MMP15: variants seen among roughly 807,000 people sequenced by gnomAD.
The protein encoded by MMP15 is matrix metallopeptidase 15.
MMP15 carries 36 observed loss-of-function variants against 65.0 expected under a neutral mutation model. That is an observed-to-expected ratio of 0.55 (90% CI 0.42 to 0.73). The LOEUF (loss-of-function observed/expected upper bound fraction) is 0.73. Among genes scored for constraint, MMP15 ranks in the 30% least tolerant of loss-of-function variants. The pLI, the probability that MMP15 is intolerant of heterozygous loss-of-function variation, is 0.00. For missense variants in MMP15, 870 were observed against 987.8 expected, an observed-to-expected ratio of 0.88 and a Z score of 1.60; for synonymous variants, 428 against 410.2, an observed-to-expected ratio of 1.04 and a Z score of -0.52.
At chr16:58,043,151 C>T (rs1456910864) in intron 7 of MMP15, 59 bp from the exon 8 acceptor site, 2 of 1,456,640 alleles carry the variant, frequency 1.4e-6, no homozygotes, top group South Asian at 1.4e-5. Flanking sequence ...GCATTCTTTT[C>T]CCGCACACAC....
Position 58,041,640 on chromosome 16 carries a change from C to T in MMP15, c.934C>T (p.Pro312Ser). The T allele has an allele frequency of 6.4e-7, 1 of 1,574,586 alleles. No homozygotes were observed. Among genetic ancestry groups the T allele is most frequent in the Non-Finnish European group, 8.6e-7 (1 of 1,161,400 alleles). ...LYGTPDGQPQPTQPLPTVTPR... is the reference protein window; with the variant it reads ...LYGTPDGQPQSTQPLPTVTPR... Reference sequence around the variant, plus strand: ...AGGTACCCCAGACGGTCAGCCACAGCCTACCCAGCCTCTCCCCACTGTGAC... The same window carrying T: ...AGGTACCCCAGACGGTCAGCCACAGTCTACCCAGCCTCTCCCCACTGTGAC... The change falls in exon 6 of 10, where the codon CCT becomes TCT. Residue 312 changes from proline to serine, a missense_variant. Pro to Ser is a moderately conservative substitution (Grantham distance 74). Coordinates refer to ENST00000219271, the MANE Select transcript of MMP15 (RefSeq NM_002428.4).
rs759154678 is a variant in MMP15, at chr16:58,037,628, C to T, written c.311+8C>T. 8.7e-6 allele frequency: 14 copies of T among 1,613,840 alleles called. No individual in the cohort carries two copies. The highest frequency in any genetic ancestry group is 4.0e-5 in the African/African-American group (3 of 74,916). On this transcript the variant is annotated splice_region_variant and intron_variant, in intron 2 of 9. Coordinates refer to ENST00000219271, the MANE Select transcript of MMP15 (RefSeq NM_002428.4). ...CGACGAAGAGACCAAGGAGTGAGTT[C>T]CCCCCACCATCCACACCCCACAGGC...
intron 1 of MMP15, among the ~76,000 whole-genome samples, chr16:58,028,255 C>G (rs1169233022): frequency 1.3e-5 from 2 of 152,208 alleles, no homozygotes; most frequent in Admixed American, 6.5e-5. Flanking sequence ...AGGGAAGAAG[C>G]CATGGTTGCG....
In MMP15 at chr16:58,040,236, A is replaced by G. The variant is rs552183474; in HGVS notation, c.748+54A>G. On this transcript the variant is annotated intron_variant, in intron 4 of 9. Transcript: ENST00000219271. Reference sequence around the variant, plus strand: ...AGGGCAGGTGGCCCCGGAGCTGGGCAACAACACCCTGCTGAGTGGGTTCAG... The same window carrying G: ...AGGGCAGGTGGCCCCGGAGCTGGGCGACAACACCCTGCTGAGTGGGTTCAG... 34 of 1,546,912 alleles carry G rather than the reference A, an allele frequency of 2.2e-5. No individual in the cohort carries two copies. The East Asian group carries it at 7.5e-4, about 34-fold the overall frequency.
chr16:58,042,171 G>T, intron 6 of MMP15, 60 bp from the exon 7 acceptor site: 1 of 1,564,622 alleles, frequency 6.4e-7, no homozygotes, highest in Non-Finnish European at 8.7e-7. Flanking sequence ...TTTGAGGATG[G>T]CACCTCTCCC....
rs1045582211 is a variant in MMP15 at position 58,043,153 on chromosome 16, C to T, written c.1304-57C>T. 2.3e-5 allele frequency: 33 copies of T among 1,462,362 alleles called. No individual in the cohort carries two copies. In the Admixed American group the frequency reaches 2.5e-4, roughly 11 times the overall value. The allele number at this position is 1,462,362 out of a possible 1,614,324, so 90.6% of individuals were successfully genotyped here. On this transcript the variant is annotated intron_variant, in intron 7 of 9. Transcript: ENST00000219271. The stretch of plus-strand genomic sequence containing the variant: ...TGGGCCCAGAAGAGCATTCTTTTCC[C>T]GCACACACCCCTCAGCCCCAGGCCT...
At chr16:58,035,542 G>A (rs1959313987) in intron 1 of MMP15, among the ~76,000 whole-genome samples, 1 of 152,228 alleles carries the variant, frequency 6.6e-6, no homozygotes, top group South Asian at 2.1e-4. Flanking sequence ...ACAGGGTGGT[G>A]TCAGGCACTA....
In MMP15 at chr16:58,040,875, C is replaced by G. The variant is rs546027029; in HGVS notation, c.910+177C>G. On this transcript the variant is annotated intron_variant, in intron 5 of 9. Transcript: ENST00000219271. ...GTGGTACTGGAAATGAAACCCAGGG[C>G]AGGCTGCCTCCAGGGCCTGGGCCTC... 2.0e-4 allele frequency: 196 copies of G among 969,390 alleles called. 3 individuals are homozygous for G. The South Asian group carries it at 2.7e-3, about 13-fold the overall frequency. The allele number at this position is 969,390 out of a possible 1,614,324, so 60.0% of individuals were successfully genotyped here. A position where few individuals can be genotyped will look rare whatever the true frequency, so the allele number is the denominator to read the frequency against.
intron 1 of MMP15, among the ~76,000 whole-genome samples, chr16:58,034,260 T>C (rs750660038): frequency 3.3e-5 from 5 of 152,208 alleles, no homozygotes; most frequent in Admixed American, 6.5e-5. Flanking sequence ...AGTCATGACC[T>C]AGGGACTCAT....
At chr16:58,036,162 A>C (rs1261915001) in intron 1 of MMP15, among the ~76,000 whole-genome samples, 1 of 152,198 alleles carries the variant, frequency 6.6e-6, no homozygotes, top group Non-Finnish European at 1.5e-5. Flanking sequence ...CCAGAGACCC[A>C]GACAAGTCAG....
At chr16:58,040,275 G>A in intron 4 of MMP15, 93 bp downstream of exon 4, 1 of 1,332,592 alleles carries the variant, frequency 7.5e-7, no homozygotes, top group South Asian at 1.4e-5. Flanking sequence ...CCGCGGGGCT[G>A]GGAGGAGAGA....
intron 7 of MMP15, 31 bp downstream of exon 7, chr16:58,042,400 A>T (rs754219978): frequency 6.2e-7 from 1 of 1,609,654 alleles, no homozygotes; most frequent in Non-Finnish European, 8.5e-7. Context: ...AGGGTTGGGC[A>T]CGCCTCCTGC....
chr16:58,037,136 G>C (rs545299331), intron 1 of MMP15, among the ~76,000 whole-genome samples: 1 of 152,230 alleles, frequency 6.6e-6, no homozygotes, highest in East Asian at 1.9e-4. Flanking sequence ...GAGCATGCCC[G>C]GCTGGGGTGG....
At chr16:58,044,099 A>G (rs1211403847) in intron 9 of MMP15, among the ~76,000 whole-genome samples, 1 of 152,098 alleles carries the variant, frequency 6.6e-6, no homozygotes, top group Non-Finnish European at 1.5e-5. Flanking sequence ...CATTATAACC[A>G]AGAGACAGGG....
At chr16:58,035,441 G>A in intron 1 of MMP15, among the ~76,000 whole-genome samples, 1 of 152,204 alleles carries the variant, frequency 6.6e-6, no homozygotes, top group East Asian at 1.9e-4. Flanking sequence ...TCAATGATGG[G>A]TCAAGGAGGC....
intron 2 of MMP15, 49 bp from the exon 3 acceptor site, chr16:58,038,217 G>A (rs1959374609): frequency 3.1e-6 from 5 of 1,602,164 alleles, no homozygotes; most frequent in African/African-American, 1.3e-5. Context: ...GAACAGGCAG[G>A]TGTGTGGAGG....
At chr16:58,028,139 C>T (rs770902458) in intron 1 of MMP15, among the ~76,000 whole-genome samples, 3 of 152,152 alleles carry the variant, frequency 2.0e-5, no homozygotes, top group African/African-American at 7.2e-5. Flanking sequence ...GGTGCAGGGA[C>T]CTGTAGTTGG....
chr16:58,043,624 G>A lies in MMP15; in HGVS notation c.1567G>A (p.Ala523Thr), dbSNP rs1312508202. Residue 523 changes from alanine to threonine, a missense_variant, in exon 9 of 10, where the codon GCA becomes ACA. Physicochemically the swap from Ala to Thr is moderately conservative, Grantham distance 58 (BLOSUM62 0). Coordinates refer to ENST00000219271, the MANE Select transcript of MMP15 (RefSeq NM_002428.4). ...SPKGAFLSND[A>T]AYTYFYKGTK... ...TAAAGGGGCCTTCCTGAGCAATGACGCAGGTACCTGGCCAGCCCCTCCCAG... is the reference window on the plus strand; with the variant it reads ...TAAAGGGGCCTTCCTGAGCAATGACACAGGTACCTGGCCAGCCCCTCCCAG... The A allele has an allele frequency of 5.0e-6, 8 of 1,606,394 alleles. No homozygotes were observed. The highest frequency in any genetic ancestry group is 2.2e-5 in the East Asian group (1 of 44,792).
At position 58,041,878 on chromosome 16, in the gene MMP15, C is replaced by A; in HGVS notation, c.1164+8C>A. On this transcript the variant is annotated splice_region_variant and intron_variant, in intron 6 of 9. Transcript: ENST00000219271. ...GAGATGTTCGTGTTCAAGGTCTGGC[C>A]CCGCCTCCCATGCCTGGCCCTGAGC... The A allele has an allele frequency of 6.4e-7, 1 of 1,572,468 alleles. No homozygotes were observed. Among genetic ancestry groups the A allele is most frequent in the Non-Finnish European group, 8.6e-7 (1 of 1,159,582 alleles).
Sources: gnomAD v4.1 joint callset for allele counts (sites outside exome capture counted in the v4.1 genomes callset) on GRCh38, gnomAD v4.1.1 for gene constraint, MANE v1.5 for transcripts, NCBI Gene and HGNC (gene_info 2026-07-23, HGNC 2026-07-21) for gene names.